The following PSD2 variants were observed in gnomAD, a reference collection of about 807,000 sequenced individuals.
PSD2 encodes the protein pleckstrin and Sec7 domain containing 2, also known as PH and SEC7 domain-containing protein 2.
Under a neutral mutation model 69.8 loss-of-function variants are expected in PSD2, and 38 were observed. The observed-to-expected ratio is 0.54, with a 90% CI of 0.42 to 0.71. The LOEUF (loss-of-function observed/expected upper bound fraction) is 0.71, where lower values mean the gene tolerates loss of function less well. Among genes scored for constraint, PSD2 ranks in the 30% least tolerant of loss-of-function variants. The probability of loss-of-function intolerance (pLI) is 0.00; values close to 1 mark genes in which losing one functional copy is unlikely to be tolerated. For missense variants in PSD2, 943 were observed against 1,014.5 expected (o/e 0.93, Z 0.96); for synonymous variants, 412 against 423.0 (o/e 0.97, Z 0.32).
At chr5:139,804,840 C>T (rs1759757847) in intron 1 of PSD2, among the ~76,000 whole-genome samples, 1 of 152,040 alleles carries the variant, frequency 6.6e-6, no homozygotes, top group African/African-American at 2.4e-5. Flanking sequence ...GCCTCATGAG[C>T]GGCTGCCCAG....
intron 14 of PSD2, among the ~76,000 whole-genome samples, chr5:139,841,775 T>C (rs1029104593): frequency 3.9e-5 from 6 of 152,220 alleles, no homozygotes; most frequent in Non-Finnish European, 5.9e-5. Context: ...TTTCATGTGC[T>C]TGTTGGCCGT....
At chr5:139,841,263 A>C (rs1426909524) in intron 14 of PSD2, among the ~76,000 whole-genome samples, 1 of 152,168 alleles carries the variant, frequency 6.6e-6, no homozygotes, top group African/African-American at 2.4e-5. Flanking sequence ...TTTTTGGTGA[A>C]AAATCAGACC....
chr5:139,765,318 C>G, the PSD2 span, among the ~76,000 whole-genome samples: 235 of 152,262 alleles, frequency 1.5e-3, no homozygotes, highest in Middle Eastern at 6.8e-3. Flanking sequence ...AACCACCCAG[C>G]GCCCTCTTTC....
the PSD2 span, among the ~76,000 whole-genome samples, chr5:139,750,020 C>T: frequency 5.4e-5 from 8 of 147,350 alleles, no homozygotes; most frequent in Admixed American, 2.0e-4. Flanking sequence ...AGATCGAGAC[C>T]GTCTTAAAAA....
intron 7 of PSD2, 45 bp downstream of exon 7, chr5:139,822,829 A>G (rs774943947): frequency 5.8e-6 from 9 of 1,553,798 alleles, no homozygotes; most frequent in Non-Finnish European, 7.0e-6. Context: ...CCTCTCAGGG[A>G]CCCACCTTGT....
intron 7 of PSD2, among the ~76,000 whole-genome samples, chr5:139,831,482 C>G: frequency 6.6e-6 from 1 of 151,896 alleles, no homozygotes; most frequent in East Asian, 1.9e-4. Flanking sequence ...CTTTTGCCTA[C>G]TTTTGGATTA....
chr5:139,789,193 A>T, the PSD2 span, among the ~76,000 whole-genome samples: 11 of 152,212 alleles, frequency 7.2e-5, no homozygotes, highest in Non-Finnish European at 1.5e-4. Flanking sequence ...CTCTTTGGAT[A>T]CCAACTTCAT....
Position 139,832,281 on chromosome 5 carries a change from CTATATACT to C in PSD2, c.1270-1414_1270-1407del, listed in dbSNP as rs538837733. Among the ~76,000 whole-genome samples the C allele has an allele frequency of 6.6e-5, 10 of 152,284 alleles. No homozygotes were observed. In the East Asian group the frequency reaches 1.5e-3, roughly 23 times the overall value. Reference sequence around the variant, plus strand: ...CTGTATTGCAAATGTACACACACAGCTATATACTTATATATCTATACACACATATATAT... The same window carrying C: ...CTGTATTGCAAATGTACACACACAGCTATATATCTATACACACATATATAT... On this transcript the variant is annotated intron_variant, in intron 7 of 14. Coordinates refer to ENST00000274710, the MANE Select transcript of PSD2 (RefSeq NM_032289.4).
At chr5:139,761,590 G>A in the PSD2 span, among the ~76,000 whole-genome samples, 4 of 152,204 alleles carry the variant, frequency 2.6e-5, no homozygotes, top group Non-Finnish European at 5.9e-5. Context: ...CTCCTCCTCC[G>A]TGGACACCAG....
the PSD2 span, among the ~76,000 whole-genome samples, chr5:139,749,283 C>T: frequency 6.6e-6 from 1 of 152,230 alleles, no homozygotes; most frequent in South Asian, 2.1e-4. Flanking sequence ...TCCTGACTGC[C>T]CAGCCCTCCA....
upstream of PSD2, among the ~76,000 whole-genome samples, chr5:139,792,859 T>TGTCCTTCCTTCC (rs1466410572): frequency 2.4e-4 from 26 of 107,892 alleles, no homozygotes; most frequent in South Asian, 3.8e-4. Context: ...TCTTTCTGTC[T>TGTCCTTCCTTCC]TTCCTTCCTT....
the PSD2 span, among the ~76,000 whole-genome samples, chr5:139,752,882 C>A: frequency 5.3e-5 from 8 of 152,204 alleles, no homozygotes; most frequent in African/African-American, 1.9e-4. Flanking sequence ...GCGCCCCTGC[C>A]CGCGTGGGCT....
intron 7 of PSD2, among the ~76,000 whole-genome samples, chr5:139,825,230 G>A (rs1159597893): frequency 6.6e-6 from 1 of 152,218 alleles, no homozygotes; most frequent in East Asian, 1.9e-4. Flanking sequence ...AAGCCTGCAA[G>A]GTTTGGGCAG....
chr5:139,802,792 A>G (rs989367995), intron 1 of PSD2, among the ~76,000 whole-genome samples: 5 of 152,136 alleles, frequency 3.3e-5, no homozygotes, highest in African/African-American at 4.8e-5. Flanking sequence ...GAGGGTGCCA[A>G]TTGGCTGGGG....
rs541965198 is a variant in PSD2, at chr5:139,817,378, G to C, written c.1017-103G>C. 6.3e-6 allele frequency: 6 copies of C among 946,304 alleles called. No individual in the cohort carries two copies. In the African/African-American group the frequency reaches 6.5e-5, roughly 10 times the overall value. The allele number at this position is 946,304 out of a possible 1,614,324, so 58.6% of individuals were successfully genotyped here. The stretch of plus-strand genomic sequence containing the variant: ...CAGCCTAGGGGTTGAGCAGGTCTAG[G>C]GGGTGGGTGGGTCCGGGTACCCTGG... On this transcript the variant is annotated intron_variant, in intron 4 of 14. Coordinates refer to ENST00000274710, the MANE Select transcript of PSD2 (RefSeq NM_032289.4).
At chr5:139,819,771 G>C (rs1760211128) in intron 5 of PSD2, among the ~76,000 whole-genome samples, 1 of 152,142 alleles carries the variant, frequency 6.6e-6, no homozygotes, top group Middle Eastern at 3.2e-3. Flanking sequence ...ACTGTATCCT[G>C]AGCTGAGTTG....
intron 1 of PSD2, among the ~76,000 whole-genome samples, chr5:139,804,539 C>T (rs1260534358): frequency 6.6e-6 from 1 of 152,118 alleles, no homozygotes; most frequent in African/African-American, 2.4e-5. Flanking sequence ...CAATGGTGCA[C>T]GTGGGGACAT....
chr5:139,772,288 T>G, the PSD2 span, among the ~76,000 whole-genome samples: 1 of 152,254 alleles, frequency 6.6e-6, no homozygotes, highest in East Asian at 1.9e-4. Flanking sequence ...TCTGAGCCTG[T>G]TTCCTTCTTT....
chr5:139,773,584 A>G, the PSD2 span, among the ~76,000 whole-genome samples: 11 of 152,088 alleles, frequency 7.2e-5, no homozygotes, highest in African/African-American at 1.7e-4. Flanking sequence ...GAATCATACC[A>G]TATTTGTCCT....
Sources: gnomAD v4.1 joint callset for allele counts (sites outside exome capture counted in the v4.1 genomes callset) on GRCh38, gnomAD v4.1.1 for gene constraint, MANE v1.5 for transcripts, NCBI Gene and HGNC (gene_info 2026-07-23, HGNC 2026-07-21) for gene names.